The following NPM1 variants were observed in gnomAD, a reference collection of about 807,000 sequenced individuals.
NPM1 encodes nucleophosmin.
A neutral mutation model predicts 44.1 loss-of-function variants in NPM1; 1 was observed. That is an observed-to-expected ratio of 0.02 (90% confidence interval 0.01 to 0.11). NPM1 has a LOEUF of 0.11. Ranked by LOEUF, NPM1 falls within the 10% of genes least tolerant of loss-of-function variation. The pLI is 1.00. For synonymous variants in NPM1, 126 were observed against 111.8 expected (o/e 1.13, Z -0.80); for missense variants, 197 against 347.8 (o/e 0.57, Z 3.45).
intron 6 of NPM1, among the ~76,000 whole-genome samples, chr5:171,396,144 T>C (rs1770871097): frequency 6.6e-6 from 1 of 152,052 alleles, no homozygotes; most frequent in African/African-American, 2.4e-5. Flanking sequence ...CATGCCAGGC[T>C]AATTTTTTGT....
At chr5:171,405,566 A>G (rs1771520855) in intron 9 of NPM1, 163 bp downstream of exon 9, 1 of 627,574 alleles carries the variant, frequency 1.6e-6, no homozygotes, top group South Asian at 1.8e-5. Context: ...AAACATTTAT[A>G]ATCGTGTCTG....
At chr5:171,389,840 TATG>T (rs1388614748) in intron 1 of NPM1, among the ~76,000 whole-genome samples, 2 of 152,172 alleles carry the variant, frequency 1.3e-5, no homozygotes, top group Admixed American at 6.5e-5. Flanking sequence ...TGAAATATGG[TATG>T]ATGAGAGAAT....
Position 171,390,032 on chromosome 5 carries a change from C to A in NPM1, c.59-19C>A. ...GTTATTTTTCTCCTTGTTAGAGTTG[C>A]TTTTTTCTTCATTTACAGGTTGTGA... On this transcript the variant is annotated intron_variant, in intron 1 of 10. Transcript: ENST00000296930. 1 of 1,513,858 alleles carries A rather than the reference C, an allele frequency of 6.6e-7. No homozygotes were observed. The highest frequency in any genetic ancestry group is 1.2e-5 in the South Asian group (1 of 80,390). 93.8% of individuals were successfully genotyped at this position (1,513,858 alleles called of 1,614,324 possible). A position where few individuals can be genotyped will look rare whatever the true frequency, so the allele number is the denominator to read the frequency against.
At chr5:171,392,619 C>A in intron 4 of NPM1, 91 bp from the exon 5 acceptor site, 6 of 620,890 alleles carry the variant, frequency 9.7e-6, no homozygotes, top group African/African-American at 1.9e-5. Flanking sequence ...GAATAGAAGT[C>A]TCAGTTTTTA....
chr5:171,402,682 G>A (rs200065692), intron 8 of NPM1, among the ~76,000 whole-genome samples: 3,066 of 140,248 alleles, frequency 0.022, 69 homozygotes, highest in Admixed American at 0.078. Flanking sequence ...GGGGCCTGGT[G>A]GGAGGTAATT....
chr5:171,388,040 C>T (rs201099021), intron 1 of NPM1, 34 bp downstream of exon 1: 2 of 767,738 alleles, frequency 2.6e-6, no homozygotes, highest in African/African-American at 1.8e-5. Flanking sequence ...CGAGGCCGAG[C>T]GGGGCCTGGT....
At position 171,405,420 on chromosome 5, in the gene NPM1, TAAAA is replaced by T. The variant is rs755339918; in HGVS notation, c.771+21_771+24del. ...ATAGAAAAAGTGAGTAAAGTTATCT[TAAAA>T]AAACTTTGTCTCCCCCCTCAAATTG... is the stretch of plus-strand genomic sequence containing the variant. On this transcript the variant is annotated intron_variant, in intron 9 of 10. Coordinates refer to ENST00000296930, the MANE Select transcript of NPM1 (RefSeq NM_002520.7). 2 of 1,220,348 alleles carry T rather than the reference TAAAA, an allele frequency of 1.6e-6. No individual in the cohort carries two copies. The highest frequency in any genetic ancestry group is 1.2e-6 in the Non-Finnish European group (1 of 837,324). The allele number at this position is 1,220,348 out of a possible 1,614,324, so 75.6% of individuals were successfully genotyped here.
rs749757161 is a variant in NPM1, at chr5:171,391,442, C to T, written c.258+18C>T. 1 of 1,604,482 alleles carries T rather than the reference C, an allele frequency of 6.2e-7. No individual in the cohort carries two copies. The highest frequency in any genetic ancestry group is 8.5e-7 in the Non-Finnish European group (1 of 1,179,384). On this transcript the variant is annotated intron_variant, in intron 3 of 10. Transcript: ENST00000296930. ...AGCCAACGGTAAGGGCACTTACATA[C>T]TTTGGATGTTGTGTCAAGGTTTAAT... is the stretch of plus-strand genomic sequence containing the variant.
chr5:171,387,664 G>T, upstream of NPM1: 1 of 482,006 alleles, frequency 2.1e-6, no homozygotes, highest in Admixed American at 3.7e-5. Context: ...CGTGCTCGGT[G>T]GGAGCCCGCG....
chr5:171,403,953 G>A (rs1274475598), intron 8 of NPM1, among the ~76,000 whole-genome samples: 2 of 79,030 alleles, frequency 2.5e-5, no homozygotes, highest in South Asian at 5.7e-4. Flanking sequence ...GGCTGGCCGG[G>A]TGGGGGGGCT....
At chr5:171,404,271 T>C (rs181657670) in intron 8 of NPM1, among the ~76,000 whole-genome samples, 78 of 95,544 alleles carry the variant, frequency 8.2e-4, no homozygotes, top group African/African-American at 3.1e-3. Context: ...GGGTGGCTGC[T>C]GGGCGGAGAT....
chr5:171,396,655 T>C (rs1397659883), intron 6 of NPM1, among the ~76,000 whole-genome samples: 1 of 152,242 alleles, frequency 6.6e-6, no homozygotes, highest in Non-Finnish European at 1.5e-5. Context: ...GACTTCTGCC[T>C]GACTTGCCCT....
At chr5:171,393,006 A>C (rs1283345107) in intron 6 of NPM1, 28 bp downstream of exon 6, 1 of 1,600,354 alleles carries the variant, frequency 6.2e-7, no homozygotes, top group Non-Finnish European at 8.5e-7. Context: ...AACTTGATAT[A>C]CTTCCGGAAT....
rs202141313 is a variant in NPM1 at position 171,406,435 on chromosome 5, C to T, written c.771+1032C>T. 5.4e-5 allele frequency: 87 copies of T among 1,612,410 alleles called. 1 individual carries two copies. The highest frequency in any genetic ancestry group is 6.9e-5 in the Non-Finnish European group (81 of 1,179,660). On this transcript the variant is annotated intron_variant, in intron 9 of 10. Coordinates refer to ENST00000296930, the MANE Select transcript of NPM1 (RefSeq NM_002520.7). ...TCCTGGGCACTACATGTAAATTAAG[C>T]CCAAAGATGGGGAGAAAGGAAAAGG...
intron 9 of NPM1, chr5:171,407,061 G>A (rs1220877979): frequency 1.3e-5 from 2 of 152,496 alleles, no homozygotes; most frequent in African/African-American, 4.8e-5. Context: ...GCCTATATCC[G>A]TAATTTGAAG....
intron 2 of NPM1, 111 bp downstream of exon 2, chr5:171,390,241 A>G (rs1227627837): frequency 1.9e-5 from 11 of 584,098 alleles, no homozygotes; most frequent in Middle Eastern, 5.2e-4. Context: ...ATAAAATACT[A>G]TTTCTTACAC....
intron 9 of NPM1, 180 bp from the exon 10 acceptor site, chr5:171,407,520 G>T: frequency 1.7e-6 from 1 of 599,738 alleles, no homozygotes; most frequent in South Asian, 2.1e-5. Context: ...AGAGATACTA[G>T]CCATGCTGCC....
intron 6 of NPM1, among the ~76,000 whole-genome samples, chr5:171,398,964 C>CT (rs1407891959): frequency 6.6e-6 from 1 of 151,700 alleles, no homozygotes; most frequent in Non-Finnish European, 1.5e-5. Flanking sequence ...GTTCCTCCTG[C>CT]TTCAGCTTCC....
intron 8 of NPM1, among the ~76,000 whole-genome samples, chr5:171,403,786 C>T (rs1771393949): frequency 1.7e-5 from 2 of 120,180 alleles, no homozygotes; most frequent in African/African-American, 3.1e-5. Flanking sequence ...GGCAGAGGGG[C>T]TCCTCACTTC....
Sources: gnomAD v4.1 joint callset for allele counts (sites outside exome capture counted in the v4.1 genomes callset) on GRCh38, gnomAD v4.1.1 for gene constraint, MANE v1.5 for transcripts, NCBI Gene and HGNC (gene_info 2026-07-23, HGNC 2026-07-21) for gene names.